The following MED26 variants were observed in gnomAD, a reference collection of about 807,000 sequenced individuals.
MED26 encodes the protein mediator complex subunit 26.
In MED26, 7 loss-of-function variants were observed where a neutral mutation model predicts 43.7. That is an observed-to-expected ratio of 0.16 (90% CI 0.09 to 0.30). The LOEUF (loss-of-function observed/expected upper bound fraction) is 0.30. Ranked by LOEUF, MED26 falls within the 10% of genes least tolerant of loss-of-function variation. MED26 has a pLI of 1.00. For missense variants in MED26, 784 were observed against 840.6 expected (o/e 0.93, Z 0.83); for synonymous variants, 375 against 371.1 (o/e 1.01, Z -0.12).
At chr19:16,598,680 C>G (rs117062469) in intron 1 of MED26, among the ~76,000 whole-genome samples, 3,666 of 152,332 alleles carry the variant, frequency 0.024, 54 homozygotes, top group Middle Eastern at 0.044. Context: ...CCAGCACTGA[C>G]AGTTCCAGTC....
intron 1 of MED26, among the ~76,000 whole-genome samples, chr19:16,579,211 A>G (rs1468635979): frequency 6.6e-6 from 1 of 152,236 alleles, no homozygotes; most frequent in Non-Finnish European, 1.5e-5. Context: ...CAGGCCCCCA[A>G]GGAGCTGTAT....
intron 1 of MED26, among the ~76,000 whole-genome samples, chr19:16,603,979 A>G (rs1044555159): frequency 6.6e-6 from 1 of 152,148 alleles, no homozygotes; most frequent in African/African-American, 2.4e-5. Flanking sequence ...CAGCACTTTC[A>G]CTGCCTGGCA....
chr19:16,628,001 G>A lies in MED26; in HGVS notation c.-58C>T. The A allele has an allele frequency of 8.7e-7, 1 of 1,151,958 alleles. No individual in the cohort carries two copies. The allele number at this position is 1,151,958 out of a possible 1,614,324, so 71.4% of individuals were successfully genotyped here. A position where few individuals can be genotyped will look rare whatever the true frequency, so the allele number is the denominator to read the frequency against. On this transcript the variant is annotated 5_prime_UTR_variant, in exon 1 of 3. Transcript: ENST00000263390. ...CAGCGGGCGGGCGGGCTGAGGCGGGGGACGGGGGTCACTCACTCGCCGGCC... is the reference window on the plus strand; with the variant it reads ...CAGCGGGCGGGCGGGCTGAGGCGGGAGACGGGGGTCACTCACTCGCCGGCC...
In MED26 at chr19:16,591,048, A is replaced by AAAATAAATAAAT. The variant is rs10593029; in HGVS notation, c.73-12651_73-12640dup. Among the ~76,000 whole-genome samples, 11 of 142,636 alleles carry AAAATAAATAAAT rather than the reference A, an allele frequency of 7.7e-5. No homozygotes were observed. In the East Asian group the frequency reaches 8.2e-4, roughly 11 times the overall value. 93.6% of individuals were successfully genotyped at this position (142,636 alleles called of 152,430 possible). On this transcript the variant is annotated intron_variant, in intron 1 of 2. Transcript: ENST00000263390. ...GAGAGAGACTTTCTCAAAATAAAAT[A>AAAATAAATAAAT]AAATAAATAAATAAATAAATAAATA...
Position 16,578,332 on chromosome 19 carries a change from C to T in MED26, c.147+3G>A, listed in dbSNP as rs1330966150. ...CCCAAATGCTGGGGTCTGGGATACTCACCTCAAGTGCCTCTTTGGTAATAG... is the reference window on the plus strand; with the variant it reads ...CCCAAATGCTGGGGTCTGGGATACTTACCTCAAGTGCCTCTTTGGTAATAG... On this transcript the variant is annotated splice_donor_region_variant and intron_variant, in intron 2 of 2. Coordinates refer to ENST00000263390, the MANE Select transcript of MED26 (RefSeq NM_004831.5). The T allele has an allele frequency of 1.2e-6, 2 of 1,613,964 alleles. No individual in the cohort carries two copies. The highest frequency in any genetic ancestry group is 2.2e-5 in the East Asian group (1 of 44,874).
chr19:16,603,687 C>T (rs1011586361), intron 1 of MED26, among the ~76,000 whole-genome samples: 4 of 152,148 alleles, frequency 2.6e-5, no homozygotes, highest in African/African-American at 9.7e-5. Flanking sequence ...AGGTACTCTC[C>T]CCCAGGCTCA....
Position 16,577,585 on chromosome 19 carries a change from T to C in MED26, c.245A>G (p.Lys82Arg). Residue 82 changes from lysine to arginine, a missense_variant, in exon 3 of 3, where the codon AAG becomes AGG. Physicochemically the swap from Lys to Arg is conservative, Grantham distance 26. This residue lies in a region of MED26 where 719 missense variants were observed against 730.9 expected (regional missense o/e 0.98). Coordinates refer to ENST00000263390, the MANE Select transcript of MED26 (RefSeq NM_004831.5). This position sits in a 1 kb window ranked among gnomAD's most constrained non-coding sequence, Gnocchi z 8.1. ...ATGCTGGTGTGCCGGCTCGATGAGCTTCTGCCAGCTCCGCAGCAGCTTCTT... is the reference window on the plus strand; with the variant it reads ...ATGCTGGTGTGCCGGCTCGATGAGCCTCTGCCAGCTCCGCAGCAGCTTCTT... ...RAKKLLRSWQKLIEPAHQHEA... is the reference protein window; with the variant it reads ...RAKKLLRSWQRLIEPAHQHEA... 1 of 1,609,092 alleles carries C rather than the reference T, an allele frequency of 6.2e-7. No homozygotes were observed. Among genetic ancestry groups the C allele is most frequent in the Non-Finnish European group, 8.5e-7 (1 of 1,176,358 alleles).
chr19:16,622,077 G>A (rs2086254352), intron 1 of MED26, among the ~76,000 whole-genome samples: 1 of 152,206 alleles, frequency 6.6e-6, no homozygotes, highest in Admixed American at 6.5e-5. Flanking sequence ...GACAACGCAA[G>A]AAGAGCCTGC....
intron 1 of MED26, among the ~76,000 whole-genome samples, chr19:16,619,702 C>T (rs552590071): frequency 6.6e-6 from 1 of 152,246 alleles, no homozygotes; most frequent in Admixed American, 6.5e-5. Flanking sequence ...AACTCACCCA[C>T]TGCTGATGCC....
intron 1 of MED26, among the ~76,000 whole-genome samples, chr19:16,622,225 G>A (rs144933332): frequency 3.4e-4 from 51 of 152,220 alleles, no homozygotes; most frequent in African/African-American, 9.6e-4. Flanking sequence ...TGAGACCTGC[G>A]GCACCATCAG....
chr19:16,612,712 T>C (rs1256873840), intron 1 of MED26, among the ~76,000 whole-genome samples: 1 of 152,204 alleles, frequency 6.6e-6, no homozygotes, highest in Non-Finnish European at 1.5e-5. Flanking sequence ...ACAGAGAGAT[T>C]TGGAAAAGTA....
At chr19:16,578,022 C>T (rs2086021716) in intron 2 of MED26, 1 of 496,696 alleles carries the variant, frequency 2.0e-6, no homozygotes, top group Non-Finnish European at 3.6e-6. Context: ...GAGGCGACAG[C>T]ACAGAGGGTC....
intron 1 of MED26, among the ~76,000 whole-genome samples, chr19:16,595,208 T>C (rs1162966597): frequency 3.3e-5 from 5 of 152,198 alleles, no homozygotes; most frequent in African/African-American, 7.2e-5. Flanking sequence ...CCTGAGATGG[T>C]TGACCCCAGC....
intron 1 of MED26, among the ~76,000 whole-genome samples, chr19:16,625,943 C>T (rs1281588008): frequency 1.3e-5 from 2 of 152,136 alleles, no homozygotes; most frequent in Non-Finnish European, 2.9e-5. Flanking sequence ...TCACTAAAGT[C>T]CCTGAAAATA....
chr19:16,578,187 G>A (rs765470792), intron 2 of MED26, 148 bp downstream of exon 2: 5 of 761,862 alleles, frequency 6.6e-6, no homozygotes, highest in South Asian at 3.0e-5. Flanking sequence ...GAGCAAGATC[G>A]CGAGGCACGA....
Position 16,575,944 on chromosome 19 carries a change from TG to T in MED26, c.*82del. On this transcript the variant is annotated 3_prime_UTR_variant, in exon 3 of 3. Coordinates refer to ENST00000263390, the MANE Select transcript of MED26 (RefSeq NM_004831.5). ...CCGAGTTCCCAGCGCAGGAGGCAGC[TG>T]GGCCCCGGCCACCTGCCCACCTGCC... 4 of 1,304,160 alleles carry T rather than the reference TG, an allele frequency of 3.1e-6. No homozygotes were observed. Among genetic ancestry groups the T allele is most frequent in the Non-Finnish European group, 4.2e-6 (4 of 945,248 alleles). The allele number at this position is 1,304,160 out of a possible 1,614,324, so 80.8% of individuals were successfully genotyped here.
intron 1 of MED26, among the ~76,000 whole-genome samples, chr19:16,595,160 C>T (rs546238420): frequency 1.3e-5 from 2 of 152,296 alleles, no homozygotes; most frequent in East Asian, 1.9e-4. Context: ...GGAGTCACCT[C>T]CAGTAGGTGC....
chr19:16,620,820 TGAC>T (rs1409863262), intron 1 of MED26, among the ~76,000 whole-genome samples: 1 of 152,210 alleles, frequency 6.6e-6, no homozygotes, highest in African/African-American at 2.4e-5. Context: ...GCTGTTTTGA[TGAC>T]AAGACAGAAC....
chr19:16,609,180 T>TGGTATA (rs1226336147), intron 1 of MED26, among the ~76,000 whole-genome samples: 2 of 151,630 alleles, frequency 1.3e-5, no homozygotes, highest in Non-Finnish European at 2.9e-5. Flanking sequence ...CCGGGTATGG[T>TGGTATA]GGTGCACACC....
Sources: gnomAD v4.1 joint callset for allele counts (sites outside exome capture counted in the v4.1 genomes callset) on GRCh38, gnomAD v4.1.1 for gene constraint, gnomAD v4.1.1 regional missense constraint, Gnocchi (gnomAD v3.1) non-coding constraint, MANE v1.5 for transcripts, NCBI Gene and HGNC (gene_info 2026-07-23, HGNC 2026-07-21) for gene names.